The following TRMT9B variants were observed in gnomAD, a reference collection of about 807,000 sequenced individuals.
TRMT9B encodes probable tRNA methyltransferase 9B.
TRMT9B carries 16 observed loss-of-function variants against 11.5 expected under a neutral mutation model. That is an observed-to-expected ratio of 1.39 (90% CI 0.94 to 2.11). The LOEUF (loss-of-function observed/expected upper bound fraction) is 2.11, where lower values mean the gene tolerates loss of function less well. Among genes scored for constraint, TRMT9B ranks in the 30% most tolerant of loss-of-function variants. TRMT9B has a pLI of 0.00. For synonymous variants in TRMT9B, 274 were observed against 192.4 expected, an observed-to-expected ratio of 1.42 and a Z score of -3.51; for missense variants, 941 against 553.8, an observed-to-expected ratio of 1.70 and a Z score of -7.02.
At chr8:13,001,546 G>C (rs1308438943) in intron 2 of TRMT9B, among the ~76,000 whole-genome samples, 1 of 152,190 alleles carries the variant, frequency 6.6e-6, no homozygotes, top group Non-Finnish European at 1.5e-5. Context: ...AAAATGCTTT[G>C]TTTTGGGGAC....
intron 1 of TRMT9B, among the ~76,000 whole-genome samples, chr8:12,989,452 C>G (rs912240447): frequency 6.6e-6 from 1 of 152,112 alleles, no homozygotes; most frequent in Admixed American, 6.6e-5. Flanking sequence ...TTTTGGGTGC[C>G]TGATTTGGGC....
intron 1 of TRMT9B, among the ~76,000 whole-genome samples, chr8:12,968,822 A>G (rs893055878): frequency 1.3e-5 from 2 of 152,214 alleles, no homozygotes; most frequent in African/African-American, 4.8e-5. Context: ...TTCATTATCT[A>G]CACAGGCCTG....
intron 4 of TRMT9B, among the ~76,000 whole-genome samples, chr8:13,014,651 T>C (rs752256552): frequency 6.6e-6 from 1 of 152,150 alleles, no homozygotes; most frequent in Non-Finnish European, 1.5e-5. Context: ...GCCACAAACA[T>C]TCAGTCTATA....
intron 2 of TRMT9B, among the ~76,000 whole-genome samples, chr8:13,004,686 G>C (rs917569755): frequency 6.6e-6 from 1 of 152,050 alleles, no homozygotes; most frequent in African/African-American, 2.4e-5. Flanking sequence ...TACGCTGTGG[G>C]CCTTGGGTGA....
chr8:13,027,785 A>T lies in TRMT9B; in HGVS notation c.*5741A>T, dbSNP rs1814866333. 6.5e-6 allele frequency: 1 copy of T among 154,570 alleles called. No individual in the cohort carries two copies. The allele number at this position is 154,570 out of a possible 1,614,324, so 9.6% of individuals were successfully genotyped here. The stretch of plus-strand genomic sequence containing the variant: ...TATACACCCGTCCAGCAGATGGGAA[A>T]ACCACGGAAGTGGGAGGGAATCAAG... On this transcript the variant is annotated 3_prime_UTR_variant, in exon 5 of 5. Transcript: ENST00000524591.
intron 2 of TRMT9B, among the ~76,000 whole-genome samples, chr8:12,994,225 A>G (rs907469197): frequency 6.6e-6 from 1 of 152,212 alleles, no homozygotes; most frequent in African/African-American, 2.4e-5. Flanking sequence ...ATGTGTGTGC[A>G]TGGTCTCAGG....
chr8:13,021,976 A>G lies in TRMT9B; in HGVS notation c.1297A>G (p.Ile433Val), dbSNP rs1386126992. 2 of 1,613,326 alleles carry G rather than the reference A, an allele frequency of 1.2e-6. No individual in the cohort carries two copies. Among genetic ancestry groups the G allele is most frequent in the East Asian group, 2.2e-5 (1 of 44,882 alleles). The change falls in exon 5 of 5, where the codon ATC becomes GTC. Residue 433 changes from isoleucine to valine, a missense_variant. Ile to Val is a conservative substitution (Grantham distance 29, BLOSUM62 3). Transcript: ENST00000524591. ...CAAGGAGAATGTGTCAGAGCTCCGT[A>G]TCCTGAGTTCTGGGAATGATCATGG... The part of the protein sequence containing the change: ...LLKENVSELR[I>V]LSSGNDHGNW...
chr8:12,984,072 G>A (rs1412812934), intron 1 of TRMT9B, among the ~76,000 whole-genome samples: 1 of 152,216 alleles, frequency 6.6e-6, no homozygotes, highest in Non-Finnish European at 1.5e-5. Context: ...GGGTGGCTGA[G>A]ATAGTGACGC....
intron 3 of TRMT9B, among the ~76,000 whole-genome samples, chr8:13,009,616 T>C (rs1811207017): frequency 6.6e-6 from 1 of 152,108 alleles, no homozygotes; most frequent in South Asian, 2.1e-4. Flanking sequence ...GTGTGATGGG[T>C]AATTTCCCTT....
chr8:13,021,131 T>A lies in TRMT9B; in HGVS notation c.452T>A (p.Phe151Tyr), dbSNP rs1449437416. The change falls in exon 5 of 5, where the codon TTT (phenylalanine) becomes TAT (tyrosine). Residue 151 changes from phenylalanine to tyrosine, a missense_variant. Physicochemically the swap from Phe to Tyr is conservative, Grantham distance 22. Coordinates refer to ENST00000524591, the MANE Select transcript of TRMT9B (RefSeq NM_020844.3). ...GCAATGGAACAAAAGAACCGTCACTTTGAGAAGCAAGACGTGCTTGTTCCA... is the reference window on the plus strand; with the variant it reads ...GCAATGGAACAAAAGAACCGTCACTATGAGAAGCAAGACGTGCTTGTTCCA... ...VWAMEQKNRH[F>Y]EKQDVLVPWN... 2 of 1,613,576 alleles carry A rather than the reference T, an allele frequency of 1.2e-6. No individual in the cohort carries two copies. The highest frequency in any genetic ancestry group is 8.5e-7 in the Non-Finnish European group (1 of 1,179,714).
intron 1 of TRMT9B, among the ~76,000 whole-genome samples, chr8:12,977,545 A>G (rs1804649573): frequency 6.6e-6 from 1 of 152,136 alleles, no homozygotes; most frequent in Non-Finnish European, 1.5e-5. Context: ...TACTAAAAAT[A>G]CAAAAATTAG....
intron 1 of TRMT9B, among the ~76,000 whole-genome samples, chr8:12,976,844 G>A (rs1349174646): frequency 6.6e-6 from 1 of 152,130 alleles, no homozygotes; most frequent in African/African-American, 2.4e-5. Context: ...GAGCTGCCCA[G>A]CATCAGCTCT....
At chr8:13,016,571 T>C (rs183452219) in intron 4 of TRMT9B, among the ~76,000 whole-genome samples, 71 of 151,948 alleles carry the variant, frequency 4.7e-4, no homozygotes, top group African/African-American at 1.7e-3. Context: ...AATAATAATG[T>C]GAGCTTAGCA....
intron 2 of TRMT9B, among the ~76,000 whole-genome samples, chr8:13,003,909 C>G (rs1387848246): frequency 6.6e-6 from 1 of 151,042 alleles, no homozygotes; most frequent in Non-Finnish European, 1.5e-5. Context: ...AGAGGGTGAG[C>G]AAGACAGTCT....
At chr8:13,003,537 C>T (rs75317368) in intron 2 of TRMT9B, among the ~76,000 whole-genome samples, 5,203 of 152,016 alleles carry the variant, frequency 0.034, 125 homozygotes, top group Non-Finnish European at 0.052. Flanking sequence ...AATGTGCCAC[C>T]GCTGAGAAAC....
In TRMT9B at chr8:12,966,822, G is replaced by T. The variant is rs541515651; in HGVS notation, c.-200+20856G>T. The stretch of plus-strand genomic sequence containing the variant: ...CCTGAGCTTCGTAGGGTTTGTTGAG[G>T]AGCTGGGTGCAGTGGGGAAGTCTGC... On this transcript the variant is annotated intron_variant, in intron 1 of 4. Coordinates refer to ENST00000524591, the MANE Select transcript of TRMT9B (RefSeq NM_020844.3). 2.3e-4 allele frequency among the ~76,000 whole-genome samples: 35 copies of T among 152,314 alleles called. No individual in the cohort carries two copies. In the South Asian group the frequency reaches 2.7e-3, roughly 12 times the overall value.
intron 1 of TRMT9B, among the ~76,000 whole-genome samples, chr8:12,963,643 G>A (rs1802437831): frequency 6.6e-6 from 1 of 152,026 alleles, no homozygotes; most frequent in Non-Finnish European, 1.5e-5. Context: ...AGCTACTCGG[G>A]AGGCTTGAGC....
chr8:12,997,921 T>C (rs2460892), intron 2 of TRMT9B, among the ~76,000 whole-genome samples: 99,491 of 151,788 alleles, frequency 0.66, 33,257 homozygotes, highest in Middle Eastern at 0.76. Context: ...ATATTCTTTG[T>C]GTTTTCCATT....
intron 1 of TRMT9B, among the ~76,000 whole-genome samples, chr8:12,988,955 A>T (rs1241992001): frequency 6.6e-6 from 1 of 152,128 alleles, no homozygotes; most frequent in Non-Finnish European, 1.5e-5. Flanking sequence ...TTCAGATATT[A>T]AATTCTGGGG....
Sources: allele counts gnomAD v4.1 joint callset (sites outside exome capture counted in the v4.1 genomes callset), GRCh38; gene constraint gnomAD v4.1.1; transcripts MANE v1.5; gene names NCBI Gene and HGNC (gene_info 2026-07-23, HGNC 2026-07-21).